Variants in ZNF676 observed in about 807,000 individuals in gnomAD.
ZNF676 encodes the protein zinc finger protein 676.
In ZNF676, 4 loss-of-function variants were observed where a neutral mutation model predicts 6.0. The ratio of observed to expected loss-of-function variants is 0.67; its 90% CI spans 0.33 to 1.53. ZNF676 has a LOEUF of 1.53. ZNF676 is among the 40% of genes most tolerant of loss of function. The probability of loss-of-function intolerance (pLI) is 0.06; values close to 1 mark genes in which losing one functional copy is unlikely to be tolerated. For synonymous variants in ZNF676, 198 were observed against 223.1 expected (o/e 0.89, Z 1.00); for missense variants, 644 against 679.7 (o/e 0.95, Z 0.58).
chr19:22,192,190 A>C (rs1327515615), intron 2 of ZNF676, among the ~76,000 whole-genome samples: 10 of 152,196 alleles, frequency 6.6e-5, no homozygotes, highest in Non-Finnish European at 1.5e-4. Context: ...AAACTATCTG[A>C]TAAAATAGAA....
intron 2 of ZNF676, among the ~76,000 whole-genome samples, chr19:22,188,541 T>C (rs1310927724): frequency 6.6e-6 from 1 of 152,112 alleles, no homozygotes; most frequent in African/African-American, 2.4e-5. Context: ...AAATAAATGA[T>C]ATTCAAATAG....
rs899119140 is a variant in ZNF676 at position 22,179,771 on chromosome 19, A to T, written c.*179T>A. The T allele has an allele frequency of 2.4e-6, 2 of 833,346 alleles. No individual in the cohort carries two copies. The highest frequency in any genetic ancestry group is 1.7e-5 in the African/African-American group (1 of 58,872). 51.6% of individuals were successfully genotyped at this position (833,346 alleles called of 1,614,324 possible). ...GAGGACCGGTTGAAGCCTTTGTCAC[A>T]TTCTTCACGTTTGTAGTGTTTCTCT... On this transcript the variant is annotated 3_prime_UTR_variant, in exon 3 of 3. Coordinates refer to ENST00000397121, the MANE Select transcript of ZNF676 (RefSeq NM_001001411.3).
chr19:22,202,822 A>C (rs564763730), intron 1 of ZNF676, among the ~76,000 whole-genome samples: 2 of 152,340 alleles, frequency 1.3e-5, no homozygotes, highest in Admixed American at 6.5e-5. Flanking sequence ...TAAAGCTTTC[A>C]CATCTTCATG....
At chr19:22,230,492 T>G in the ZNF676 span, among the ~76,000 whole-genome samples, 13 of 139,208 alleles carry the variant, frequency 9.3e-5, no homozygotes, top group Non-Finnish European at 2.0e-4. Context: ...GAACTTAAAG[T>G]GTAATAATAA....
intron 1 of ZNF676, chr19:22,203,096 C>T (rs1334511852): frequency 6.4e-6 from 1 of 155,688 alleles, no homozygotes; most frequent in African/African-American, 2.4e-5. Flanking sequence ...TAGGTGAACC[C>T]CATTTGCCAC....
upstream of ZNF676, among the ~76,000 whole-genome samples, chr19:22,219,640 G>A (rs1194628718): frequency 1.3e-5 from 2 of 151,430 alleles, no homozygotes; most frequent in African/African-American, 2.4e-5. Context: ...GTGTAATGTT[G>A]GCTGTTTATC....
At chr19:22,251,097 C>T in the ZNF676 span, among the ~76,000 whole-genome samples, 136,439 of 151,992 alleles carry the variant, frequency 0.9, 63,065 homozygotes, top group East Asian at 1. Flanking sequence ...TCACAGGTAT[C>T]TGATGGTACA....
intron 2 of ZNF676, among the ~76,000 whole-genome samples, chr19:22,189,752 C>T (rs1338382406): frequency 1.3e-5 from 2 of 151,976 alleles, no homozygotes; most frequent in African/African-American, 2.4e-5. Flanking sequence ...ATTTATGCAG[C>T]GAACAGACAC....
chr19:22,215,037 T>G (rs928618831), intron 1 of ZNF676, among the ~76,000 whole-genome samples: 1 of 66,668 alleles, frequency 1.5e-5, no homozygotes, highest in African/African-American at 5.8e-5. Context: ...CGAGACTCCA[T>G]CTCAAAAAAA....
Position 22,181,119 on chromosome 19 carries a change from C to A in ZNF676, c.598G>T (p.Glu200Ter). 2.5e-6 allele frequency: 4 copies of A among 1,613,696 alleles called. No individual in the cohort carries two copies. The South Asian group carries it at 4.4e-5, about 18-fold the overall frequency. Residue 200 changes from glutamate (E) to a stop codon, truncating the protein, a stop_gained, in exon 3 of 3, where the codon GAA becomes TAA. Coordinates refer to ENST00000397121, the MANE Select transcript of ZNF676 (RefSeq NM_001001411.3). LOFTEE classifies it low-confidence loss of function (END_TRUNC). ...IHTGEKPYKCEECGKAFSKFS... is the reference protein window; with the variant it reads ...IHTGEKPYKC Reference sequence around the variant, plus strand: ...TTACTAAAGGCTTTGCCACATTCTTCACATTTGTAGGGTTTCTCTCCAGTA... The same window carrying A: ...TTACTAAAGGCTTTGCCACATTCTTAACATTTGTAGGGTTTCTCTCCAGTA...
At chr19:22,209,796 C>G (rs909145418) in intron 1 of ZNF676, among the ~76,000 whole-genome samples, 1 of 152,100 alleles carries the variant, frequency 6.6e-6, no homozygotes, top group Non-Finnish European at 1.5e-5. Context: ...GAATCCTAGG[C>G]TGGTGGAGAA....
chr19:22,239,976 G>C, the ZNF676 span, among the ~76,000 whole-genome samples: 1 of 152,204 alleles, frequency 6.6e-6, no homozygotes, highest in African/African-American at 2.4e-5. Flanking sequence ...CACAATTCAT[G>C]TTATGAGTAG....
the ZNF676 span, among the ~76,000 whole-genome samples, chr19:22,251,786 C>CAAA: frequency 2.0e-3 from 196 of 96,756 alleles, 4 homozygotes; most frequent in South Asian, 3.7e-3. Flanking sequence ...GACTCCATCT[C>CAAA]AAAAAAAAAA....
rs113679901 is a variant in ZNF676, at chr19:22,214,045, T to C, written c.3+1587A>G. Among the ~76,000 whole-genome samples, 809 of 152,274 alleles carry C rather than the reference T, an allele frequency of 5.3e-3. 5 individuals carry two copies. Among genetic ancestry groups the C allele is most frequent in the African/African-American group, 0.018 (766 of 41,544 alleles). The stretch of plus-strand genomic sequence containing the variant: ...ATGCTTTGTCAAAAAATGATTACAA[T>C]AGGTATCAAAATGTACACTAAAGGA... On this transcript the variant is annotated intron_variant, in intron 1 of 3. Coordinates refer to the ZNF676 transcript ENST00000650058.
At chr19:22,208,105 A>G (rs2024094456) in intron 1 of ZNF676, among the ~76,000 whole-genome samples, 1 of 152,000 alleles carries the variant, frequency 6.6e-6, no homozygotes, top group African/African-American at 2.4e-5. Context: ...TGGGACCTAA[A>G]TAAACTAATG....
upstream of ZNF676, among the ~76,000 whole-genome samples, chr19:22,216,657 C>T (rs1188100475): frequency 6.7e-6 from 1 of 150,056 alleles, no homozygotes; most frequent in African/African-American, 2.5e-5. Context: ...TTTTTTGAGA[C>T]GAGTCTTGCC....
chr19:22,219,897 T>G (rs1260044004), upstream of ZNF676, among the ~76,000 whole-genome samples: 1 of 151,672 alleles, frequency 6.6e-6, no homozygotes, highest in Non-Finnish European at 1.5e-5. Flanking sequence ...TCAAGTGATC[T>G]GCCCACCTCA....
upstream of ZNF676, among the ~76,000 whole-genome samples, chr19:22,200,723 T>G (rs1485797992): frequency 1.3e-5 from 2 of 152,004 alleles, no homozygotes; most frequent in East Asian, 3.9e-4. Flanking sequence ...TCAATATTAT[T>G]CAATATGGTG....
chr19:22,181,640 C>G, intron 2 of ZNF676, 54 bp from the exon 3 acceptor site: 3 of 1,357,860 alleles, frequency 2.2e-6, no homozygotes, highest in Non-Finnish European at 2.0e-6. Flanking sequence ...CAGATAAGTA[C>G]AGTTTCCAAA....
Sources: allele counts gnomAD v4.1 joint callset (sites outside exome capture counted in the v4.1 genomes callset), GRCh38; gene constraint gnomAD v4.1.1; transcripts MANE v1.5; gene names NCBI Gene and HGNC (gene_info 2026-07-23, HGNC 2026-07-21).